Variants in CDH13 observed in about 807,000 individuals in gnomAD.
CDH13 encodes cadherin-13.
In CDH13, 24 loss-of-function variants were observed where a neutral mutation model predicts 63.8. The observed-to-expected ratio is 0.38, with a 90% confidence interval of 0.27 to 0.53. CDH13 has a LOEUF of 0.53. Among genes scored for constraint, CDH13 ranks in the 20% least tolerant of loss-of-function variants. The probability of loss-of-function intolerance (pLI) is 0.85; values close to 1 mark genes in which losing one functional copy is unlikely to be tolerated. For missense variants in CDH13, 1,049 were observed against 903.1 expected (o/e 1.16, Z -2.07); for synonymous variants, 503 against 355.3 (o/e 1.42, Z -4.67).
chr16:83,740,655 T>G (rs1207200017), intron 10 of CDH13, among the ~76,000 whole-genome samples: 5 of 152,198 alleles, frequency 3.3e-5, no homozygotes, highest in Non-Finnish European at 5.9e-5. Flanking sequence ...CCACAGGATT[T>G]CACCAGGAGC....
At chr16:83,348,895 A>G (rs571112122) in intron 6 of CDH13, among the ~76,000 whole-genome samples, 43 of 152,198 alleles carry the variant, frequency 2.8e-4, no homozygotes, top group Non-Finnish European at 5.0e-4. Flanking sequence ...TTTATTCTGG[A>G]AGAGTACCCT....
At chr16:83,510,859 G>A (rs1025256532) in intron 7 of CDH13, among the ~76,000 whole-genome samples, 3 of 152,240 alleles carry the variant, frequency 2.0e-5, no homozygotes, top group African/African-American at 4.8e-5. Context: ...AGGTCTTTCA[G>A]AAAATCAGTA....
At chr16:82,877,063 C>T (rs2040530217) in intron 2 of CDH13, among the ~76,000 whole-genome samples, 1 of 152,150 alleles carries the variant, frequency 6.6e-6, no homozygotes, top group Non-Finnish European at 1.5e-5. Context: ...TCCATAAGGG[C>T]AAATACTACC....
At chr16:83,713,832 G>C (rs76130784) in intron 10 of CDH13, among the ~76,000 whole-genome samples, 1,551 of 152,262 alleles carry the variant, frequency 0.01, 75 homozygotes, top group Admixed American at 0.077. Context: ...GTCAGGGTGG[G>C]GCTATCAGGA....
intron 1 of CDH13, among the ~76,000 whole-genome samples, chr16:82,784,359 C>T (rs2151121018): frequency 6.6e-6 from 1 of 152,224 alleles, no homozygotes; most frequent in Admixed American, 6.5e-5. Flanking sequence ...AGACATTGTC[C>T]CCATCACTTG....
At chr16:83,493,858 C>T (rs562811504) in intron 7 of CDH13, among the ~76,000 whole-genome samples, 44 of 152,294 alleles carry the variant, frequency 2.9e-4, no homozygotes, top group East Asian at 1.7e-3. Context: ...AAAGTTCAGG[C>T]GTTTTGGAGA....
intron 5 of CDH13, among the ~76,000 whole-genome samples, chr16:83,241,013 C>T (rs1904392880): frequency 6.6e-6 from 1 of 152,166 alleles, no homozygotes. Context: ...TCTTAGCAAC[C>T]ATCTTCTCAC....
chr16:82,632,151 G>A (rs772105303), intron 1 of CDH13, among the ~76,000 whole-genome samples: 9 of 152,250 alleles, frequency 5.9e-5, no homozygotes, highest in Middle Eastern at 3.4e-3. Context: ...TAGGCAGGAC[G>A]TGCCTCCGTA....
intron 3 of CDH13, among the ~76,000 whole-genome samples, chr16:83,050,749 C>T (rs995450807): frequency 3.3e-5 from 5 of 152,130 alleles, no homozygotes; most frequent in African/African-American, 9.7e-5. Flanking sequence ...CTGTGTGTTT[C>T]TGAACGCTCA....
At chr16:83,380,512 A>C (rs1490974007) in intron 6 of CDH13, among the ~76,000 whole-genome samples, 1 of 152,208 alleles carries the variant, frequency 6.6e-6, no homozygotes, top group Non-Finnish European at 1.5e-5. Flanking sequence ...CTGCATGTAA[A>C]AGAAAAAAAA....
At chr16:82,830,944 T>C (rs775931218) in intron 1 of CDH13, among the ~76,000 whole-genome samples, 4 of 152,188 alleles carry the variant, frequency 2.6e-5, no homozygotes, top group African/African-American at 7.2e-5. Context: ...TGTGTTATAA[T>C]GGGCCTGGTA....
At chr16:83,093,916 A>T (rs1391773160) in intron 3 of CDH13, among the ~76,000 whole-genome samples, 1 of 152,234 alleles carries the variant, frequency 6.6e-6, no homozygotes, top group African/African-American at 2.4e-5. Context: ...GGCAGAAAGG[A>T]AATACCTGAA....
chr16:83,056,079 A>T (rs900589010), intron 3 of CDH13, among the ~76,000 whole-genome samples: 1 of 152,250 alleles, frequency 6.6e-6, no homozygotes, highest in Non-Finnish European at 1.5e-5. Flanking sequence ...GGATATCTAC[A>T]TGACCACTAA....
At chr16:83,478,308 G>C (rs2073665307) in intron 6 of CDH13, among the ~76,000 whole-genome samples, 1 of 152,172 alleles carries the variant, frequency 6.6e-6, no homozygotes, top group South Asian at 2.1e-4. Context: ...CGGTTGCCTT[G>C]AGAGCGCTTT....
intron 13 of CDH13, among the ~76,000 whole-genome samples, chr16:83,783,907 G>C (rs923739160): frequency 1.3e-5 from 2 of 152,122 alleles, no homozygotes; most frequent in African/African-American, 4.8e-5. Flanking sequence ...ATGGATGGAG[G>C]GTGGGCTGCA....
At chr16:83,461,415 T>C (rs1221517553) in intron 6 of CDH13, among the ~76,000 whole-genome samples, 6 of 152,140 alleles carry the variant, frequency 3.9e-5, no homozygotes, top group Non-Finnish European at 7.4e-5. Flanking sequence ...CTGAAAGGCA[T>C]GGACAAGCTC....
At chr16:83,557,012 G>A (rs904257662) in intron 7 of CDH13, among the ~76,000 whole-genome samples, 1 of 152,198 alleles carries the variant, frequency 6.6e-6, no homozygotes, top group African/African-American at 2.4e-5. Flanking sequence ...CAGCAGGAGA[G>A]GTGAGCAGTG....
chr16:83,721,609 C>G (rs180767914), intron 10 of CDH13: 2 of 152,308 alleles, frequency 1.3e-5, no homozygotes, highest in Non-Finnish European at 2.9e-5. Context: ...GTTATGTACA[C>G]CACTTGGTCC....
chr16:82,845,919 G>T (rs1449771236), intron 1 of CDH13, among the ~76,000 whole-genome samples: 1 of 152,156 alleles, frequency 6.6e-6, no homozygotes, highest in Admixed American at 6.5e-5. Flanking sequence ...TTCCAAGTGA[G>T]CCCAGTGGCT....
Sources: gnomAD v4.1 joint callset for allele counts (sites outside exome capture counted in the v4.1 genomes callset) on GRCh38, gnomAD v4.1.1 for gene constraint, MANE v1.5 for transcripts, NCBI Gene and HGNC (gene_info 2026-07-23, HGNC 2026-07-21) for gene names.